DOCK2: variants seen among roughly 807,000 people sequenced by gnomAD.
DOCK2 encodes the protein dedicator of cytokinesis 2, also known as dedicator of cytokinesis protein 2.
A neutral mutation model predicts 248.9 loss-of-function variants in DOCK2; 87 were observed. That is an observed-to-expected ratio of 0.35 (90% CI 0.29 to 0.42). The LOEUF is 0.42. Among genes scored for constraint, DOCK2 ranks in the 10% least tolerant of loss-of-function variants. DOCK2 has a pLI of 1.00. For missense variants in DOCK2, 1,747 were observed against 2,300.2 expected, an observed-to-expected ratio of 0.76 and a Z score of 4.92; for synonymous variants, 805 against 821.6, an observed-to-expected ratio of 0.98 and a Z score of 0.35.
chr5:169,653,434 G>A (rs929887974), intron 1 of DOCK2, among the ~76,000 whole-genome samples: 6 of 151,298 alleles, frequency 4.0e-5, no homozygotes, highest in African/African-American at 7.4e-5. Context: ...CAGCTAGAGC[G>A]GGTTTGGAGG....
At chr5:169,698,507 C>A (rs1343568345) in intron 11 of DOCK2, 58 bp downstream of exon 11, 1 of 1,572,144 alleles carries the variant, frequency 6.4e-7, no homozygotes, top group East Asian at 2.2e-5. Context: ...TCATCAAGGG[C>A]TGCTGGAGCT....
chr5:169,892,330 G>T (rs1339241663), intron 27 of DOCK2, among the ~76,000 whole-genome samples: 1 of 152,230 alleles, frequency 6.6e-6, no homozygotes, highest in East Asian at 1.9e-4. Context: ...ACTTGCTGGT[G>T]TGTATCCCCT....
chr5:169,684,450 A>G, intron 8 of DOCK2, 100 bp downstream of exon 8: 1 of 1,429,268 alleles, frequency 7.0e-7, no homozygotes, highest in Non-Finnish European at 9.5e-7. Flanking sequence ...CTCCACCTGG[A>G]AAAGAGACTG....
intron 25 of DOCK2, among the ~76,000 whole-genome samples, chr5:169,800,973 T>TTTTTTTTTTTC (rs1766940470): frequency 8.3e-6 from 1 of 120,732 alleles, no homozygotes; most frequent in African/African-American, 3.0e-5. Flanking sequence ...TTTTTTTTTT[T>TTTTTTTTTTTC]GAGATGGAGT....
At chr5:170,048,774 T>C (rs1756807938) in intron 40 of DOCK2, among the ~76,000 whole-genome samples, 1 of 152,212 alleles carries the variant, frequency 6.6e-6, no homozygotes, top group Admixed American at 6.5e-5. Context: ...GAACCACTAC[T>C]GTAGTGGCCT....
chr5:170,027,395 T>C (rs13152920), intron 33 of DOCK2, among the ~76,000 whole-genome samples: 62,105 of 151,954 alleles, frequency 0.41, 13,466 homozygotes, highest in East Asian at 0.58. Flanking sequence ...GAATGCCAAG[T>C]GGGCAGAAAC....
At chr5:169,693,431 G>T (rs1400949743) in intron 9 of DOCK2, among the ~76,000 whole-genome samples, 1 of 152,176 alleles carries the variant, frequency 6.6e-6, no homozygotes, top group Non-Finnish European at 1.5e-5. Context: ...AACTGGGAAA[G>T]AGTAGAACTA....
At chr5:169,900,499 G>A (rs187225796) in intron 27 of DOCK2, among the ~76,000 whole-genome samples, 6 of 152,296 alleles carry the variant, frequency 3.9e-5, no homozygotes, top group African/African-American at 1.4e-4. Flanking sequence ...GACCTTATTG[G>A]CCAAACAGAT....
At chr5:170,067,468 T>C (rs776840782) in intron 44 of DOCK2, 42 bp from the exon 45 acceptor site, 23 of 1,589,238 alleles carry the variant, frequency 1.4e-5, no homozygotes, top group Non-Finnish European at 2.0e-5. Context: ...TTAAAGTGAC[T>C]TAACTAAGGC....
At chr5:169,773,188 G>C (rs1237837051) in intron 25 of DOCK2, 1 of 152,130 alleles carries the variant, frequency 6.6e-6, no homozygotes, top group East Asian at 1.9e-4. Context: ...GAAACCTTCA[G>C]ATCCAGAATC....
At chr5:169,704,027 A>T (rs996845702) in intron 14 of DOCK2, 4 of 152,208 alleles carry the variant, frequency 2.6e-5, no homozygotes, top group African/African-American at 9.7e-5. Flanking sequence ...TCACCCTTTC[A>T]AGTCACTACC....
chr5:169,864,025 G>C (rs1291060930), intron 27 of DOCK2, among the ~76,000 whole-genome samples: 2 of 152,182 alleles, frequency 1.3e-5, no homozygotes, highest in East Asian at 3.9e-4. Flanking sequence ...GAGTGTGACA[G>C]GGAACTTGGC....
intron 28 of DOCK2, 67 bp downstream of exon 28, chr5:169,983,233 G>A (rs1777985932): frequency 6.6e-7 from 1 of 1,508,826 alleles, no homozygotes; most frequent in South Asian, 1.1e-5. Flanking sequence ...TTCTGTCCCT[G>A]TCAGAGAGAC....
chr5:169,891,068 A>G (rs1166294597), intron 27 of DOCK2, among the ~76,000 whole-genome samples: 1 of 152,080 alleles, frequency 6.6e-6, no homozygotes, highest in Non-Finnish European at 1.5e-5. Context: ...GCCCCTGTCT[A>G]CCTTCCTTGT....
intron 26 of DOCK2, among the ~76,000 whole-genome samples, chr5:169,809,550 C>T (rs1767611023): frequency 6.6e-6 from 1 of 152,158 alleles, no homozygotes; most frequent in South Asian, 2.1e-4. Context: ...ACCATGTGTG[C>T]ACCCTGATAT....
intron 2 of DOCK2, among the ~76,000 whole-genome samples, chr5:169,665,455 C>T (rs1758669455): frequency 6.6e-6 from 1 of 151,112 alleles, no homozygotes; most frequent in African/African-American, 2.4e-5. Context: ...TATGTATATA[C>T]ACATGTTTAT....
intron 27 of DOCK2, among the ~76,000 whole-genome samples, chr5:169,970,106 G>C (rs1016815920): frequency 2.0e-5 from 3 of 152,176 alleles, no homozygotes; most frequent in East Asian, 3.9e-4. Flanking sequence ...CCCCTTAAAG[G>C]CATGTTCAGA....
At chr5:169,864,457 A>G (rs1406268771) in intron 27 of DOCK2, 3 of 1,526,816 alleles carry the variant, frequency 2.0e-6, no homozygotes, top group Non-Finnish European at 2.6e-6. Context: ...ATCATACTCT[A>G]CACTGAAAAA....
chr5:169,702,421 G>C lies in DOCK2; in HGVS notation c.1377G>C (p.Thr459=), dbSNP rs144520292. 1.2e-5 allele frequency: 19 copies of C among 1,613,396 alleles called. No individual in the cohort carries two copies. Among genetic ancestry groups the C allele is most frequent in the Admixed American group, 5.0e-5 (3 of 59,988 alleles). The change falls in exon 14 of 52, where the codon ACG becomes ACC. Residue 459 remains threonine (T), a synonymous_variant. Transcript: ENST00000520908. ...IMCVCAEDGK[T]LPNAICVGAG... Reference sequence around the variant, plus strand: ...GTGTGTGCGCGGAGGATGGCAAAACGCTGCCTGTAAGGGACTCACTGCTGC... The same window carrying C: ...GTGTGTGCGCGGAGGATGGCAAAACCCTGCCTGTAAGGGACTCACTGCTGC...
Sources: gnomAD v4.1 joint callset for allele counts (sites outside exome capture counted in the v4.1 genomes callset) on GRCh38, gnomAD v4.1.1 for gene constraint, MANE v1.5 for transcripts, NCBI Gene and HGNC (gene_info 2026-07-23, HGNC 2026-07-21) for gene names.